SLC35F4: variants seen among roughly 807,000 people sequenced by gnomAD.
SLC35F4 encodes chromosome 14 open reading frame 36.
In SLC35F4, 24 loss-of-function variants were observed where a neutral mutation model predicts 44.2. The ratio of observed to expected loss-of-function variants is 0.54; its 90% CI spans 0.39 to 0.76. The LOEUF is 0.76. SLC35F4 is among the 30% of genes least tolerant of loss of function. The probability of loss-of-function intolerance (pLI) is 0.00; values close to 1 mark genes in which losing one functional copy is unlikely to be tolerated. For missense variants in SLC35F4, 562 were observed against 586.1 expected (o/e 0.96, Z 0.42); for synonymous variants, 238 against 223.6 (o/e 1.06, Z -0.57).
intron 2 of SLC35F4, among the ~76,000 whole-genome samples, chr14:57,593,423 T>C (rs1387818457): frequency 6.6e-6 from 1 of 152,190 alleles, no homozygotes; most frequent in Non-Finnish European, 1.5e-5. Context: ...GAGGAAAAGC[T>C]AAAGTCTCAA....
At chr14:57,964,991 A>ATATAT (rs1279192848) in intron 1 of SLC35F4, among the ~76,000 whole-genome samples, 221 of 115,642 alleles carry the variant, frequency 1.9e-3, no homozygotes, top group African/African-American at 7.6e-3. Flanking sequence ...AAAAAAAAAA[A>ATATAT]ATATATATAT....
chr14:57,853,974 C>T (rs1340934579), intron 1 of SLC35F4, among the ~76,000 whole-genome samples: 1 of 152,172 alleles, frequency 6.6e-6, no homozygotes, highest in Admixed American at 6.5e-5. Context: ...CACATCTTTC[C>T]ATTTTACATA....
intron 1 of SLC35F4, among the ~76,000 whole-genome samples, chr14:57,820,294 T>C (rs1020326311): frequency 6.6e-6 from 1 of 152,172 alleles, no homozygotes; most frequent in Non-Finnish European, 1.5e-5. Context: ...TTTCAGTATA[T>C]GCTTATTATT....
chr14:57,841,413 C>A (rs923953973), intron 1 of SLC35F4, among the ~76,000 whole-genome samples: 4 of 152,034 alleles, frequency 2.6e-5, no homozygotes, highest in African/African-American at 9.7e-5. Context: ...ACTAAAATAG[C>A]GATTGTGGAA....
At chr14:57,648,842 A>G (rs908685430) in intron 1 of SLC35F4, among the ~76,000 whole-genome samples, 2 of 152,214 alleles carry the variant, frequency 1.3e-5, no homozygotes, top group Non-Finnish European at 2.9e-5. Context: ...TATATTGCAT[A>G]GACTTATACT....
chr14:57,850,891 A>G (rs971148900), intron 1 of SLC35F4, among the ~76,000 whole-genome samples: 3 of 152,250 alleles, frequency 2.0e-5, no homozygotes, highest in African/African-American at 7.2e-5. Context: ...CCTTGCCTCA[A>G]GGATGATCTC....
At chr14:57,649,619 C>T (rs1443935542) in intron 1 of SLC35F4, among the ~76,000 whole-genome samples, 2 of 152,122 alleles carry the variant, frequency 1.3e-5, no homozygotes, top group Non-Finnish European at 2.9e-5. Context: ...TCCAATGTGG[C>T]ATCTCTGAGG....
intron 1 of SLC35F4, among the ~76,000 whole-genome samples, chr14:57,725,185 A>G (rs1167526840): frequency 6.6e-6 from 1 of 152,142 alleles, no homozygotes; most frequent in African/African-American, 2.4e-5. Flanking sequence ...GCCACCCCTC[A>G]TCACCCAATG....
chr14:57,851,660 C>G (rs894239001), intron 1 of SLC35F4, among the ~76,000 whole-genome samples: 1 of 152,118 alleles, frequency 6.6e-6, no homozygotes, highest in Non-Finnish European at 1.5e-5. Flanking sequence ...GCACTAAAAG[C>G]CTACCTGAGA....
chr14:57,681,131 G>T (rs530562617), intron 1 of SLC35F4, among the ~76,000 whole-genome samples: 7 of 152,022 alleles, frequency 4.6e-5, no homozygotes, highest in Non-Finnish European at 1.5e-5. Flanking sequence ...ATTCTATAAG[G>T]TTACAGTAAC....
intron 3 of SLC35F4, among the ~76,000 whole-genome samples, chr14:57,582,593 A>G (rs2069365558): frequency 6.6e-6 from 1 of 152,204 alleles, no homozygotes; most frequent in South Asian, 2.1e-4. Flanking sequence ...ACGACTATGG[A>G]CTGAAGACAG....
At chr14:57,898,049 T>C (rs559778581) in intron 1 of SLC35F4, among the ~76,000 whole-genome samples, 1 of 152,354 alleles carries the variant, frequency 6.6e-6, no homozygotes, top group African/African-American at 2.4e-5. Context: ...GTAATCTCCA[T>C]GCCCTGTCAT....
intron 1 of SLC35F4, among the ~76,000 whole-genome samples, chr14:57,952,356 T>C (rs1890157240): frequency 6.6e-6 from 1 of 151,840 alleles, no homozygotes; most frequent in Non-Finnish European, 1.5e-5. Context: ...GGCTGAAAAT[T>C]CCAAAAACCA....
intron 1 of SLC35F4, among the ~76,000 whole-genome samples, chr14:57,714,935 T>C (rs949015907): frequency 1.1e-4 from 17 of 152,314 alleles, no homozygotes; most frequent in African/African-American, 3.1e-4. Flanking sequence ...ATGAGGGAGT[T>C]TGCAGCTACA....
intron 1 of SLC35F4, among the ~76,000 whole-genome samples, chr14:57,841,518 C>T (rs1040888928): frequency 6.6e-6 from 1 of 152,146 alleles, no homozygotes; most frequent in African/African-American, 2.4e-5. Context: ...GAAACAAAGA[C>T]GACTCTGTAC....
At chr14:57,732,045 AG>A (rs1347891087) in intron 1 of SLC35F4, among the ~76,000 whole-genome samples, 1 of 152,208 alleles carries the variant, frequency 6.6e-6, no homozygotes, top group African/African-American at 2.4e-5. Context: ...AGCCAGGGTT[AG>A]GTCAAAATTT....
At chr14:57,876,183 T>C (rs889958849) in intron 1 of SLC35F4, among the ~76,000 whole-genome samples, 1 of 152,098 alleles carries the variant, frequency 6.6e-6, no homozygotes, top group African/African-American at 2.4e-5. Flanking sequence ...CAATCAGACA[T>C]AGAACAAAGC....
chr14:57,684,035 C>T (rs1019320590), intron 1 of SLC35F4, among the ~76,000 whole-genome samples: 4 of 152,062 alleles, frequency 2.6e-5, no homozygotes, highest in Non-Finnish European at 5.9e-5. Context: ...TTCTAGGTCC[C>T]TTCATCAGTG....
intron 4 of SLC35F4, among the ~76,000 whole-genome samples, chr14:57,575,133 G>C (rs998118817): frequency 1.3e-5 from 2 of 152,044 alleles, no homozygotes; most frequent in African/African-American, 4.8e-5. Flanking sequence ...TCTGTCTCTT[G>C]ACAATCTATT....
Sources: allele counts gnomAD v4.1 joint callset (sites outside exome capture counted in the v4.1 genomes callset), GRCh38; gene constraint gnomAD v4.1.1; transcripts MANE v1.5; gene names NCBI Gene and HGNC (gene_info 2026-07-23, HGNC 2026-07-21).